Variants in LVRN observed in about 807,000 individuals in gnomAD.
LVRN encodes laeverin.
LVRN carries 99 observed loss-of-function variants against 111.4 expected under a neutral mutation model. The observed-to-expected ratio is 0.89, with a 90% CI of 0.76 to 1.05. LVRN has a LOEUF of 1.05. Ranked by LOEUF, LVRN falls within the 50% of genes least tolerant of loss-of-function variation. The probability of loss-of-function intolerance (pLI) is 0.00; values close to 1 mark genes in which losing one functional copy is unlikely to be tolerated. For missense variants in LVRN, 1,414 were observed against 1,206.8 expected (o/e 1.17, Z -2.54); for synonymous variants, 488 against 449.5 (o/e 1.09, Z -1.08).
At position 116,000,637 on chromosome 5, in the gene LVRN, T is replaced by C; in HGVS notation, c.1626T>C (p.Asp542=). ...CCTACTCAAACGCTGAGCAAGATGATCTATGGAGGCATTTTCAAATGGTAA... is the reference window on the plus strand; with the variant it reads ...CCTACTCAAACGCTGAGCAAGATGACCTATGGAGGCATTTTCAAATGGTAA... ...TFSYSNAEQD[D]LWRHFQMAID... Residue 542 remains aspartate, a synonymous_variant, in exon 9 of 20, where the codon GAT becomes GAC. Coordinates refer to ENST00000357872, the MANE Select transcript of LVRN (RefSeq NM_173800.5). The C allele has an allele frequency of 1.2e-6, 2 of 1,613,974 alleles. No homozygotes were observed. The highest frequency in any genetic ancestry group is 1.7e-6 in the Non-Finnish European group (2 of 1,179,924).
chr5:116,004,276 C>T (rs1399135990), intron 12 of LVRN, among the ~76,000 whole-genome samples: 2 of 152,166 alleles, frequency 1.3e-5, no homozygotes, highest in Non-Finnish European at 2.9e-5. Context: ...AAAATGTTGG[C>T]CAGCTCTAAT....
chr5:116,023,550 G>C (rs947290177), intron 19 of LVRN: 2 of 152,194 alleles, frequency 1.3e-5, no homozygotes, highest in African/African-American at 4.8e-5. Flanking sequence ...GTCTAACCAG[G>C]GTCCTGTGGC....
chr5:115,983,537 C>T (rs562763577), intron 2 of LVRN, 108 bp downstream of exon 2: 165 of 1,237,762 alleles, frequency 1.3e-4, no homozygotes, highest in Middle Eastern at 9.6e-4. Flanking sequence ...ATTATAATTA[C>T]AGTCTACTAT....
intron 1 of LVRN, chr5:115,976,243 C>T (rs1238554568): frequency 6.6e-6 from 1 of 152,400 alleles, no homozygotes; most frequent in Non-Finnish European, 1.5e-5. Flanking sequence ...TGAGCTTCGC[C>T]AGATAGCAAT....
chr5:116,026,249 G>A lies in LVRN; in HGVS notation c.*131G>A. On this transcript the variant is annotated 3_prime_UTR_variant, in exon 20 of 20. Transcript: ENST00000357872. ...ATTTCAGTCACATTTATTACTCAGAGTGCCATTCTTCTCATATTGTCATGT... is the reference window on the plus strand; with the variant it reads ...ATTTCAGTCACATTTATTACTCAGAATGCCATTCTTCTCATATTGTCATGT... 1 of 1,346,696 alleles carries A rather than the reference G, an allele frequency of 7.4e-7. No homozygotes were observed. The highest frequency in any genetic ancestry group is 1.5e-5 in the African/African-American group (1 of 67,542). 83.4% of individuals were successfully genotyped at this position (1,346,696 alleles called of 1,614,324 possible).
intron 13 of LVRN, among the ~76,000 whole-genome samples, chr5:116,010,123 A>C (rs1748454770): frequency 6.6e-6 from 1 of 152,216 alleles, no homozygotes; most frequent in African/African-American, 2.4e-5. Flanking sequence ...TGACTTGCTG[A>C]AGGCTCAGAT....
At chr5:115,981,486 G>A (rs189095437) in intron 1 of LVRN, among the ~76,000 whole-genome samples, 2 of 151,922 alleles carry the variant, frequency 1.3e-5, no homozygotes, top group Admixed American at 1.3e-4. Context: ...TATGTGTGGG[G>A]GTACATGAGA....
chr5:116,027,500 G>A lies in LVRN; in HGVS notation c.*1382G>A, dbSNP rs374148178. The A allele has an allele frequency of 6.6e-6, 1 of 152,186 alleles. No individual in the cohort carries two copies. Among genetic ancestry groups the A allele is most frequent in the Non-Finnish European group, 1.5e-5 (1 of 68,032 alleles). 9.4% of individuals were successfully genotyped at this position (152,186 alleles called of 1,614,324 possible). ...GTGGGACTTCACCACGTGGACAAAC[G>A]AAAGCACAGGCTACTCAGACTTGGC... On this transcript the variant is annotated 3_prime_UTR_variant, in exon 20 of 20. Transcript: ENST00000357872.
chr5:115,963,997 G>C (rs1753147882), intron 1 of LVRN, among the ~76,000 whole-genome samples: 2 of 152,170 alleles, frequency 1.3e-5, no homozygotes, highest in South Asian at 4.1e-4. Flanking sequence ...GCTGTAACCT[G>C]GGCGCTTGTT....
chr5:115,986,908 A>G (rs1418924147), intron 3 of LVRN, among the ~76,000 whole-genome samples: 1 of 152,174 alleles, frequency 6.6e-6, no homozygotes, highest in Non-Finnish European at 1.5e-5. Context: ...TTCTTTCTTA[A>G]ATTAACGGCA....
intron 12 of LVRN, among the ~76,000 whole-genome samples, chr5:116,005,080 A>C (rs1489805828): frequency 6.6e-5 from 10 of 152,204 alleles, no homozygotes. Context: ...GAGGCAAATT[A>C]TTTCTACGAC....
At chr5:115,983,474 GC>G in intron 2 of LVRN, 45 bp downstream of exon 2, 1 of 1,535,320 alleles carries the variant, frequency 6.5e-7, no homozygotes, top group East Asian at 2.3e-5. Flanking sequence ...ATCTATATAA[GC>G]TTTGTAATCA....
Position 115,984,576 on chromosome 5 carries a change from C to T in LVRN, c.845C>T (p.Ser282Phe), listed in dbSNP as rs1206555214. 1 of 1,613,110 alleles carries T rather than the reference C, an allele frequency of 6.2e-7. No individual in the cohort carries two copies. Among genetic ancestry groups the T allele is most frequent in the African/African-American group, 1.3e-5 (1 of 74,848 alleles). Residue 282 changes from serine (S) to phenylalanine (F), a missense_variant, in exon 3 of 20, where the codon TCT becomes TTT. By Grantham distance (155) the Ser-to-Phe change is radical. Transcript: ENST00000357872. Reference sequence around the variant, plus strand: ...CTAAAATAAAATTCTCTAGGTCAGTCTGAAAAAGAAGATGTGAATGGAAGC... The same window carrying T: ...CTAAAATAAAATTCTCTAGGTCAGTTTGAAAAAGAAGATGTGAATGGAAGC... ...ALSNMPKLGQ[S>F]EKEDVNGSKW...
chr5:115,997,786 T>C (rs1433958746), intron 6 of LVRN, among the ~76,000 whole-genome samples: 1 of 152,236 alleles, frequency 6.6e-6, no homozygotes, highest in African/African-American at 2.4e-5. Context: ...ATAGTTTTTT[T>C]TAAAGCTGAC....
At position 116,027,425 on chromosome 5, in the gene LVRN, C is replaced by T. The variant is rs1321935370; in HGVS notation, c.*1307C>T. 6.6e-6 allele frequency: 1 copy of T among 152,078 alleles called. No homozygotes were observed. The highest frequency in any genetic ancestry group is 1.5e-5 in the Non-Finnish European group (1 of 68,024). The allele number at this position is 152,078 out of a possible 1,614,324, so 9.4% of individuals were successfully genotyped here. A position where few individuals can be genotyped will look rare whatever the true frequency, so the allele number is the denominator to read the frequency against. On this transcript the variant is annotated 3_prime_UTR_variant, in exon 20 of 20. Transcript: ENST00000357872. ...AATGAAAATACAAAACAAACGTTTG[C>T]TTTTGTATTTGATTCACAAGAGGAT...
chr5:116,000,372 A>G, intron 7 of LVRN, 61 bp from the exon 8 acceptor site: 1 of 1,568,198 alleles, frequency 6.4e-7, no homozygotes, highest in Non-Finnish European at 8.8e-7. Context: ...ATAAATATGG[A>G]ATGTGTCAGT....
chr5:116,003,371 G>C lies in LVRN; in HGVS notation c.2028G>C (p.Lys676Asn). The C allele has an allele frequency of 6.9e-7, 1 of 1,447,450 alleles. No homozygotes were observed. The highest frequency in any genetic ancestry group is 9.4e-7 in the Non-Finnish European group (1 of 1,067,640). The allele number at this position is 1,447,450 out of a possible 1,614,324, so 89.7% of individuals were successfully genotyped here. ...AGAAACTAAATCAACAACTTGAAAA[G>C]GATCCTAAGGTAAGGTTACTTTTGA... ...GWKKLNQQLEKDPKAIPVIHR... is the reference protein window; with the variant it reads ...GWKKLNQQLENDPKAIPVIHR... The change falls in exon 12 of 20, where the codon AAG becomes AAC. Residue 676 changes from lysine (K) to asparagine (N), a missense_variant. Coordinates refer to ENST00000357872, the MANE Select transcript of LVRN (RefSeq NM_173800.5).
chr5:115,988,806 G>A (rs1219778719), intron 4 of LVRN, among the ~76,000 whole-genome samples: 1 of 152,128 alleles, frequency 6.6e-6, no homozygotes, highest in African/African-American at 2.4e-5. Flanking sequence ...CTATCACTCA[G>A]GGAGTTGGAG....
chr5:116,017,177 G>C (rs962142219), intron 18 of LVRN, among the ~76,000 whole-genome samples: 1 of 152,216 alleles, frequency 6.6e-6, no homozygotes, highest in Non-Finnish European at 1.5e-5. Flanking sequence ...CCTGGAGGCA[G>C]AGTTGGGAGG....
Sources: allele counts gnomAD v4.1 joint callset (sites outside exome capture counted in the v4.1 genomes callset), GRCh38; gene constraint gnomAD v4.1.1; transcripts MANE v1.5; gene names NCBI Gene and HGNC (gene_info 2026-07-23, HGNC 2026-07-21).